Variants in OR9Q1 observed in about 807,000 individuals in gnomAD.
OR9Q1 encodes olfactory receptor family 9 subfamily Q member 1.
For missense variants in OR9Q1, 374 were observed against 378.8 expected, an observed-to-expected ratio of 0.99 and a Z score of 0.11; for synonymous variants, 153 against 148.6, an observed-to-expected ratio of 1.03 and a Z score of -0.22.
intron 2 of OR9Q1, among the ~76,000 whole-genome samples, chr11:58,156,682 A>C (rs1257684502): frequency 2.0e-5 from 3 of 152,232 alleles, no homozygotes; most frequent in Non-Finnish European, 4.4e-5. Context: ...GTAATATCTC[A>C]CAGATATATT....
chr11:58,124,090 C>T (rs1461541338), intron 2 of OR9Q1, among the ~76,000 whole-genome samples: 3 of 151,812 alleles, frequency 2.0e-5, no homozygotes, highest in Admixed American at 6.6e-5. Flanking sequence ...AAAATATTTC[C>T]CAGAGGGAAA....
At position 58,074,162 on chromosome 11, in the gene OR9Q1, T is replaced by C. The variant is rs557718344; in HGVS notation, c.-15+18215T>C. Among the ~76,000 whole-genome samples, 7 of 152,348 alleles carry C rather than the reference T, an allele frequency of 4.6e-5. No individual in the cohort carries two copies. The East Asian group carries it at 1.3e-3, about 29-fold the overall frequency. Reference sequence around the variant, plus strand: ...CATGTGTCTTTAAAGTAGAATGATTTATCATCCTTTGGGTATATACACAGT... The same window carrying C: ...CATGTGTCTTTAAAGTAGAATGATTCATCATCCTTTGGGTATATACACAGT... On this transcript the variant is annotated intron_variant, in intron 2 of 2. Coordinates refer to ENST00000335397, the MANE Select transcript of OR9Q1 (RefSeq NM_001005212.4).
chr11:58,062,908 T>C (rs538535472), intron 2 of OR9Q1, among the ~76,000 whole-genome samples: 2 of 152,298 alleles, frequency 1.3e-5, no homozygotes, highest in Non-Finnish European at 2.9e-5. Context: ...CTGAGTTCTC[T>C]CAAGATAGGC....
chr11:58,091,831 G>A (rs1853686816), intron 2 of OR9Q1, among the ~76,000 whole-genome samples: 1 of 151,946 alleles, frequency 6.6e-6, no homozygotes, highest in South Asian at 2.1e-4. Context: ...TCCTGTATTG[G>A]GTGCATATAT....
chr11:58,141,423 C>T (rs1295127605), intron 2 of OR9Q1, among the ~76,000 whole-genome samples: 1 of 152,150 alleles, frequency 6.6e-6, no homozygotes, highest in African/African-American at 2.4e-5. Flanking sequence ...GAGGTTTTAG[C>T]ATGAATGGTT....
rs549152003 is a variant in OR9Q1 at position 58,076,943 on chromosome 11, CCT to C, written c.-15+20997_-15+20998del. ...GCAAATAAAATAATTGAAATCTTCC[CCT>C]TTTAACACTTAGTGAAAATTTTCAG... is the stretch of plus-strand genomic sequence containing the variant. On this transcript the variant is annotated intron_variant, in intron 2 of 2. Transcript: ENST00000335397. Among the ~76,000 whole-genome samples the C allele has an allele frequency of 2.6e-5, 4 of 152,264 alleles. No homozygotes were observed. In the South Asian group the frequency reaches 8.3e-4, roughly 32 times the overall value.
chr11:58,096,680 A>C (rs1262454249), intron 2 of OR9Q1, among the ~76,000 whole-genome samples: 1 of 134,184 alleles, frequency 7.5e-6, no homozygotes, highest in African/African-American at 2.8e-5. Context: ...CACCGGGCTA[A>C]TTTTATTTTT....
intron 2 of OR9Q1, among the ~76,000 whole-genome samples, chr11:58,160,278 A>G (rs1854444977): frequency 6.6e-6 from 1 of 152,216 alleles, no homozygotes; most frequent in Non-Finnish European, 1.5e-5. Context: ...TGGATCTGAG[A>G]ACCCATGAGT....
chr11:58,176,705 T>C (rs993065114), intron 2 of OR9Q1, among the ~76,000 whole-genome samples: 6 of 152,140 alleles, frequency 3.9e-5, no homozygotes, highest in African/African-American at 1.4e-4. Flanking sequence ...GTTATTATTG[T>C]CCCCATATTG....
At position 58,120,774 on chromosome 11, in the gene OR9Q1, G is replaced by GTAATATATT. The variant is rs1319188627; in HGVS notation, c.-14-58655_-14-58647dup. Among the ~76,000 whole-genome samples the GTAATATATT allele has an allele frequency of 2.5e-4, 35 of 142,804 alleles. No homozygotes were observed. The East Asian group carries it at 6.4e-3, about 26-fold the overall frequency. The allele number at this position is 142,804 out of a possible 152,430, so 93.7% of individuals were successfully genotyped here. The stretch of plus-strand genomic sequence containing the variant: ...ACTTTGTTAATATTGCTATCTTTGT[G>GTAATATATT]TAATATATTTGTATCTTTATTTCAA... On this transcript the variant is annotated intron_variant, in intron 2 of 2. Coordinates refer to ENST00000335397, the MANE Select transcript of OR9Q1 (RefSeq NM_001005212.4).
Position 58,047,717 on chromosome 11 carries a change from C to CA in OR9Q1, c.-92-8136dup, listed in dbSNP as rs67113314. On this transcript the variant is annotated intron_variant, in intron 1 of 2. Transcript: ENST00000335397. Reference sequence around the variant, plus strand: ...TGAAACCTCATCTCTACTAATGATACAAAAAAAAAAAAAAAAATTAGCTTG... The same window carrying CA: ...TGAAACCTCATCTCTACTAATGATACAAAAAAAAAAAAAAAAAATTAGCTTG... Among the ~76,000 whole-genome samples the CA allele has an allele frequency of 1.4e-4, 20 of 144,068 alleles. 1 individual carries two copies. Among genetic ancestry groups the CA allele is most frequent in the African/African-American group, 4.6e-4 (18 of 38,958 alleles). The allele number at this position is 144,068 out of a possible 152,430, so 94.5% of individuals were successfully genotyped here.
At chr11:58,158,071 C>T (rs898374095) in intron 2 of OR9Q1, among the ~76,000 whole-genome samples, 1 of 152,156 alleles carries the variant, frequency 6.6e-6, no homozygotes, top group Admixed American at 6.5e-5. Flanking sequence ...GCTGTGAGGC[C>T]TCATGGGAAC....
chr11:58,042,129 A>T (rs1298564701), intron 1 of OR9Q1, among the ~76,000 whole-genome samples: 1 of 152,230 alleles, frequency 6.6e-6, no homozygotes, highest in Non-Finnish European at 1.5e-5. Flanking sequence ...TCTAAATAAC[A>T]ATATTAACAA....
rs34375940 is a variant in OR9Q1 at position 58,056,987 on chromosome 11, G to GTT, written c.-15+1064_-15+1065dup. On this transcript the variant is annotated intron_variant, in intron 2 of 2. Coordinates refer to ENST00000335397, the MANE Select transcript of OR9Q1 (RefSeq NM_001005212.4). ...AGGCTTCCATGGTTATACAATTCAG[G>GTT]TTTTTTTTTTTTTTTTTTTTTTTTT... 2.9e-3 allele frequency among the ~76,000 whole-genome samples: 199 copies of GTT among 68,764 alleles called. 3 individuals are homozygous for GTT. The highest frequency in any genetic ancestry group is 0.01 in the African/African-American group (178 of 17,054). The allele number at this position is 68,764 out of a possible 152,430, so 45.1% of individuals were successfully genotyped here.
At chr11:58,053,528 G>A (rs1171512693) in intron 1 of OR9Q1, among the ~76,000 whole-genome samples, 2 of 146,554 alleles carry the variant, frequency 1.4e-5, no homozygotes, top group East Asian at 4.0e-4. Context: ...CAGCACACCA[G>A]CATGGCACAT....
chr11:58,154,139 T>G (rs1590618826), intron 2 of OR9Q1, among the ~76,000 whole-genome samples: 59 of 128,534 alleles, frequency 4.6e-4, no homozygotes, highest in Non-Finnish European at 5.6e-4. Context: ...GAGGAGGAAG[T>G]TGAGAAGGAG....
intron 2 of OR9Q1, among the ~76,000 whole-genome samples, chr11:58,099,834 A>AT (rs1228650384): frequency 2.6e-5 from 4 of 151,040 alleles, no homozygotes; most frequent in African/African-American, 7.3e-5. Flanking sequence ...TTTCCTTACT[A>AT]TTTTGTTTTA....
intron 2 of OR9Q1, among the ~76,000 whole-genome samples, chr11:58,120,869 CTAAG>C (rs1433447947): frequency 7.5e-5 from 11 of 147,472 alleles, no homozygotes; most frequent in African/African-American, 1.0e-4. Context: ...TTGACCTTCA[CTAAG>C]TAAGATGAAG....
In OR9Q1 at chr11:58,066,743, G is replaced by GAA. The variant is rs1853433898; in HGVS notation, c.-15+10796_-15+10797insAA. On this transcript the variant is annotated intron_variant, in intron 2 of 2. Coordinates refer to ENST00000335397, the MANE Select transcript of OR9Q1 (RefSeq NM_001005212.4). ...CTGTTCTTCTGGTGACCCTGCACCA[G>GAA]GGTCTGTGTTTATGAAGAAGTCAGA... Among the ~76,000 whole-genome samples the GAA allele has an allele frequency of 2.0e-5, 3 of 152,310 alleles. No individual in the cohort carries two copies. In the South Asian group the frequency reaches 6.2e-4, roughly 32 times the overall value.
Sources: allele counts gnomAD v4.1 joint callset (sites outside exome capture counted in the v4.1 genomes callset), GRCh38; gene constraint gnomAD v4.1.1; transcripts MANE v1.5; gene names NCBI Gene and HGNC (gene_info 2026-07-23, HGNC 2026-07-21).